Variants in ERBB4 observed in about 807,000 individuals in gnomAD.
ERBB4 encodes erb-b2 receptor tyrosine kinase 4.
A neutral mutation model predicts 158.0 loss-of-function variants in ERBB4; 42 were observed. That is an observed-to-expected ratio of 0.27 (90% CI 0.21 to 0.34). The LOEUF is 0.34. Ranked by LOEUF, ERBB4 falls within the 10% of genes least tolerant of loss-of-function variation. The pLI is 1.00. For missense variants in ERBB4, 1,333 were observed against 1,624.1 expected (o/e 0.82, Z 3.08); for synonymous variants, 583 against 558.7 (o/e 1.04, Z -0.61).
chr2:212,326,144 T>C (rs942858753), intron 1 of ERBB4, among the ~76,000 whole-genome samples: 1 of 150,540 alleles, frequency 6.6e-6, no homozygotes, highest in African/African-American at 2.4e-5. Context: ...GTATACACAT[T>C]TGAAGAAAAA....
intron 1 of ERBB4, among the ~76,000 whole-genome samples, chr2:212,439,114 T>C (rs1369618952): frequency 6.6e-6 from 1 of 152,164 alleles, no homozygotes; most frequent in Non-Finnish European, 1.5e-5. Flanking sequence ...CTTTCAACAG[T>C]GTTTCACTAC....
At chr2:212,098,184 T>C (rs982463475) in intron 2 of ERBB4, among the ~76,000 whole-genome samples, 1 of 152,172 alleles carries the variant, frequency 6.6e-6, no homozygotes, top group Admixed American at 6.5e-5. Context: ...GGCTCCCTTC[T>C]CCAAGGGCCC....
intron 2 of ERBB4, among the ~76,000 whole-genome samples, chr2:212,096,246 T>C (rs1487310805): frequency 1.3e-5 from 2 of 151,966 alleles, no homozygotes; most frequent in Non-Finnish European, 2.9e-5. Flanking sequence ...ATCTGAGAAA[T>C]AGGTGTTTAT....
intron 1 of ERBB4, among the ~76,000 whole-genome samples, chr2:212,225,159 T>C (rs2083431983): frequency 1.3e-5 from 2 of 152,070 alleles, no homozygotes; most frequent in African/African-American, 2.4e-5. Context: ...ATTAAAACTT[T>C]CATCCTAAAA....
At chr2:211,940,041 T>G (rs1175747329) in intron 3 of ERBB4, among the ~76,000 whole-genome samples, 3 of 151,602 alleles carry the variant, frequency 2.0e-5, no homozygotes, top group Non-Finnish European at 4.4e-5. Context: ...TTCTTAAATA[T>G]TATTCCTACT....
At chr2:211,980,709 A>G (rs1017650109) in intron 2 of ERBB4, among the ~76,000 whole-genome samples, 1 of 152,178 alleles carries the variant, frequency 6.6e-6, no homozygotes, top group African/African-American at 2.4e-5. Flanking sequence ...AGAAAAAAAT[A>G]CATACATCTT....
In ERBB4 at chr2:212,182,356, T is replaced by G. The variant is rs375508997; in HGVS notation, c.83-57453A>C. Among the ~76,000 whole-genome samples, 5 of 151,982 alleles carry G rather than the reference T, an allele frequency of 3.3e-5. No homozygotes were observed. The South Asian group carries it at 1.0e-3, about 31-fold the overall frequency. On this transcript the variant is annotated intron_variant, in intron 1 of 27. Coordinates refer to ENST00000342788, the MANE Select transcript of ERBB4 (RefSeq NM_005235.3). ...TCTTAATCACAATTCTTGACAGTTTTTTTGATCCATCTTATTTATAAACAA... is the reference window on the plus strand; with the variant it reads ...TCTTAATCACAATTCTTGACAGTTTGTTTGATCCATCTTATTTATAAACAA...
chr2:211,607,629 A>T (rs2069032014), intron 19 of ERBB4, among the ~76,000 whole-genome samples: 1 of 152,054 alleles, frequency 6.6e-6, no homozygotes, highest in African/African-American at 2.4e-5. Context: ...TTTTTTTTCT[A>T]ATCACACTAT....
rs376597520 is a variant in ERBB4 at position 211,843,807 on chromosome 2, T to C, written c.422-55648A>G. ...ATGTCTACTCCATAATTAGTGTATA[T>C]CACTAGTACTTGATAAATGTATTAC... is the stretch of plus-strand genomic sequence containing the variant. On this transcript the variant is annotated intron_variant, in intron 3 of 27. Transcript: ENST00000342788. Among the ~76,000 whole-genome samples, 25 of 152,114 alleles carry C rather than the reference T, an allele frequency of 1.6e-4. 1 individual carries two copies. In the South Asian group the frequency reaches 4.8e-3, roughly 29 times the overall value.
chr2:211,452,030 A>G lies in ERBB4; in HGVS notation c.2488-20930T>C, dbSNP rs114059977. Among the ~76,000 whole-genome samples the G allele has an allele frequency of 2.4e-3, 363 of 152,152 alleles. 4 individuals carry two copies. Among genetic ancestry groups the G allele is most frequent in the African/African-American group, 8.2e-3 (341 of 41,498 alleles). The stretch of plus-strand genomic sequence containing the variant: ...TAGAAAAATCTCTTTTTCATTTGTA[A>G]TTATTTTGAAGTGACATTCCTTCCA... On this transcript the variant is annotated intron_variant, in intron 20 of 27. Coordinates refer to ENST00000342788, the MANE Select transcript of ERBB4 (RefSeq NM_005235.3).
At chr2:212,039,938 T>G (rs943327584) in intron 2 of ERBB4, among the ~76,000 whole-genome samples, 2 of 152,054 alleles carry the variant, frequency 1.3e-5, no homozygotes, top group African/African-American at 2.4e-5. Context: ...TAACAAAATA[T>G]ATCCAAAGTC....
At chr2:212,218,693 C>T (rs1319954592) in intron 1 of ERBB4, among the ~76,000 whole-genome samples, 1 of 151,352 alleles carries the variant, frequency 6.6e-6, no homozygotes, top group Non-Finnish European at 1.5e-5. Flanking sequence ...TCATATCTCA[C>T]TCTAGGTTGA....
At chr2:212,014,397 T>C (rs1407543042) in intron 2 of ERBB4, among the ~76,000 whole-genome samples, 2 of 152,162 alleles carry the variant, frequency 1.3e-5, no homozygotes, top group Non-Finnish European at 2.9e-5. Flanking sequence ...CACATAAATG[T>C]CCAACTCTAA....
At chr2:211,732,902 G>A (rs762204409) in intron 5 of ERBB4, among the ~76,000 whole-genome samples, 3 of 152,152 alleles carry the variant, frequency 2.0e-5, no homozygotes, top group East Asian at 1.9e-4. Context: ...ACTTAAACCC[G>A]GGAGGCGGAG....
In ERBB4 at chr2:211,634,100, A is replaced by G. The variant is rs1338680480; in HGVS notation, c.1947-3506T>C. On this transcript the variant is annotated intron_variant, in intron 16 of 27. Coordinates refer to ENST00000342788, the MANE Select transcript of ERBB4 (RefSeq NM_005235.3). The stretch of plus-strand genomic sequence containing the variant: ...CCTGAACCCAGGAAGTGAAGGTTGC[A>G]ATGAGTATTTTCTAATTTTTTATGA... 2.0e-5 allele frequency among the ~76,000 whole-genome samples: 3 copies of G among 152,158 alleles called. No homozygotes were observed. In the East Asian group the frequency reaches 5.8e-4, roughly 29 times the overall value.
At chr2:212,330,089 A>C (rs1326910811) in intron 1 of ERBB4, among the ~76,000 whole-genome samples, 1 of 152,076 alleles carries the variant, frequency 6.6e-6, no homozygotes, top group Non-Finnish European at 1.5e-5. Context: ...CAAACATTTC[A>C]ACAAGGGAGA....
chr2:212,339,605 G>T (rs2088607070), intron 1 of ERBB4, among the ~76,000 whole-genome samples: 2 of 152,240 alleles, frequency 1.3e-5, no homozygotes, highest in South Asian at 4.1e-4. Context: ...CAAGGTCAGA[G>T]AATTTTCCCT....
chr2:211,906,980 G>T (rs1178577747), intron 3 of ERBB4, among the ~76,000 whole-genome samples: 1 of 151,612 alleles, frequency 6.6e-6, no homozygotes, highest in Non-Finnish European at 1.5e-5. Flanking sequence ...ACCAGCGCTT[G>T]ATTGTGCCAT....
intron 1 of ERBB4, among the ~76,000 whole-genome samples, chr2:212,243,512 CA>C (rs1458916009): frequency 6.6e-6 from 1 of 152,090 alleles, no homozygotes; most frequent in African/African-American, 2.4e-5. Context: ...CATCACTGCA[CA>C]AAAGATATAA....
Sources: allele counts gnomAD v4.1 joint callset (sites outside exome capture counted in the v4.1 genomes callset), GRCh38; gene constraint gnomAD v4.1.1; transcripts MANE v1.5; gene names NCBI Gene and HGNC (gene_info 2026-07-23, HGNC 2026-07-21).